ART3: variants seen among roughly 807,000 people sequenced by gnomAD.
ART3 encodes ADP-ribosyltransferase 3 (inactive).
In ART3, 49 loss-of-function variants were observed where a neutral mutation model predicts 48.5. The observed-to-expected ratio is 1.01, with a 90% CI of 0.80 to 1.28. ART3 has a LOEUF of 1.28. Among genes scored for constraint, ART3 ranks in the 50% most tolerant of loss-of-function variants. The pLI, the probability that ART3 is intolerant of heterozygous loss-of-function variation, is 0.00. For missense variants in ART3, 438 were observed against 454.3 expected (o/e 0.96, Z 0.33); for synonymous variants, 145 against 157.2 (o/e 0.92, Z 0.58).
chr4:76,060,261 A>G (rs1221461174), intron 1 of ART3, among the ~76,000 whole-genome samples: 3 of 152,188 alleles, frequency 2.0e-5, no homozygotes, highest in Non-Finnish European at 4.4e-5. Flanking sequence ...ATCATAAGTT[A>G]CTGATTAAGT....
At chr4:76,018,166 T>C (rs1732433471) in intron 1 of ART3, among the ~76,000 whole-genome samples, 1 of 152,158 alleles carries the variant, frequency 6.6e-6, no homozygotes, top group African/African-American at 2.4e-5. Context: ...CACAGCCCTA[T>C]TCACTATAGC....
In ART3 at chr4:76,098,103, A is replaced by G. The variant is rs375146186; in HGVS notation, c.814+427A>G. On this transcript the variant is annotated intron_variant, in intron 4 of 11. Transcript: ENST00000355810. ...TAACATTTGGGAGACCAATGAAGGA[A>G]TGGCATGAATATAGGTCGAGGAAGG... Among the ~76,000 whole-genome samples, 13 of 152,206 alleles carry G rather than the reference A, an allele frequency of 8.5e-5. 1 individual carries two copies. Among genetic ancestry groups the G allele is most frequent in the African/African-American group, 3.1e-4 (13 of 41,530 alleles).
intron 1 of ART3, among the ~76,000 whole-genome samples, chr4:76,059,418 A>G (rs1329176758): frequency 9.0e-6 from 1 of 110,520 alleles, no homozygotes; most frequent in East Asian, 2.9e-4. Flanking sequence ...CCTTTTCTCT[A>G]TCCTTACTTT....
At chr4:76,079,391 A>G (rs1331457563) in intron 2 of ART3, among the ~76,000 whole-genome samples, 1 of 152,204 alleles carries the variant, frequency 6.6e-6, no homozygotes, top group African/African-American at 2.4e-5. Context: ...TGGCTGTACG[A>G]TTGTAAGTTT....
intron 10 of ART3, among the ~76,000 whole-genome samples, chr4:76,106,564 T>G (rs572156669): frequency 1.1e-4 from 16 of 152,286 alleles, no homozygotes; most frequent in African/African-American, 3.9e-4. Context: ...GAGAGAGCGT[T>G]GTGTGTCTGT....
chr4:76,054,943 G>C (rs1245494823), intron 1 of ART3, among the ~76,000 whole-genome samples: 2 of 152,130 alleles, frequency 1.3e-5, no homozygotes, highest in African/African-American at 4.8e-5. Context: ...CAATTTTCTT[G>C]TTTTCTTTCT....
At chr4:76,103,162 A>G (rs570031953) in intron 8 of ART3, among the ~76,000 whole-genome samples, 1 of 152,320 alleles carries the variant, frequency 6.6e-6, no homozygotes, top group African/African-American at 2.4e-5. Context: ...CACCTGGGAA[A>G]TAATCTATTT....
chr4:76,077,366 A>T (rs145330670), intron 2 of ART3, among the ~76,000 whole-genome samples: 65 of 152,284 alleles, frequency 4.3e-4, no homozygotes, highest in African/African-American at 1.5e-3. Context: ...ATAGCCGAGT[A>T]ATATTCTATT....
In ART3 at chr4:76,082,155, A is replaced by G. The variant is rs763041717; in HGVS notation, c.401A>G (p.Gln134Arg). The G allele has an allele frequency of 3.7e-6, 6 of 1,614,224 alleles. No homozygotes were observed. Among genetic ancestry groups the G allele is most frequent in the Non-Finnish European group, 4.2e-6 (5 of 1,180,046 alleles). Residue 134 changes from glutamine to arginine, a missense_variant, in exon 3 of 12, where the codon CAG (glutamine) becomes CGG (arginine). Physicochemically the swap from Gln to Arg is conservative, Grantham distance 43 (BLOSUM62 1). This residue lies in a region of ART3 where 206 missense variants were observed against 205.3 expected (regional missense o/e 1.00). Transcript: ENST00000355810. Reference protein sequence around the residue: ...QSREDYIYGFQFKAFHFYLTR... With the variant: ...QSREDYIYGFRFKAFHFYLTR... ...CGAGAAGATTATATCTATGGCTTCCAGTTCAAAGCTTTCCACTTTTACCTC... is the reference window on the plus strand; with the variant it reads ...CGAGAAGATTATATCTATGGCTTCCGGTTCAAAGCTTTCCACTTTTACCTC...
chr4:76,094,652 A>G (rs1725615630), intron 3 of ART3, among the ~76,000 whole-genome samples: 1 of 152,184 alleles, frequency 6.6e-6, no homozygotes, highest in Admixed American at 6.5e-5. Context: ...ATGCCTGTGA[A>G]TTATAAGGTT....
intron 1 of ART3, chr4:76,021,517 A>G (rs1270006370): frequency 5.9e-6 from 1 of 168,112 alleles, no homozygotes; most frequent in Non-Finnish European, 1.3e-5. Context: ...TGAAGTAAAG[A>G]GCATTCTTTA....
chr4:76,084,198 T>C (rs907514416), intron 3 of ART3, among the ~76,000 whole-genome samples: 2 of 152,174 alleles, frequency 1.3e-5, no homozygotes, highest in African/African-American at 4.8e-5. Flanking sequence ...CATCCTGAAA[T>C]CTCTCATTAC....
chr4:76,097,034 A>G (rs552724890), intron 3 of ART3, among the ~76,000 whole-genome samples: 1 of 152,302 alleles, frequency 6.6e-6, no homozygotes, highest in African/African-American at 2.4e-5. Flanking sequence ...CTAATTATAG[A>G]ATAGAATGAT....
At chr4:76,052,505 G>T (rs1011876521) in intron 1 of ART3, among the ~76,000 whole-genome samples, 3 of 151,988 alleles carry the variant, frequency 2.0e-5, no homozygotes. Context: ...TTGTTACATG[G>T]ATATATTGCA....
At chr4:76,069,322 A>C (rs1054182626) in intron 1 of ART3, among the ~76,000 whole-genome samples, 1 of 149,042 alleles carries the variant, frequency 6.7e-6, no homozygotes, top group Non-Finnish European at 1.5e-5. Context: ...TCAATAATCT[A>C]CTTTCTGTCT....
upstream of ART3, chr4:76,074,670 T>C (rs1024355887): frequency 1.3e-5 from 2 of 152,156 alleles, no homozygotes; most frequent in Non-Finnish European, 2.9e-5. Context: ...AAGCTACTGC[T>C]GGGGGTGTTT....
chr4:76,050,939 G>A (rs961872597), intron 1 of ART3, among the ~76,000 whole-genome samples: 6 of 152,290 alleles, frequency 3.9e-5, no homozygotes, highest in East Asian at 1.9e-4. Context: ...CAGGGCCGGC[G>A]GGCTGCTCCG....
intron 3 of ART3, among the ~76,000 whole-genome samples, chr4:76,088,652 G>T (rs373626602): frequency 2.0e-5 from 3 of 152,052 alleles, no homozygotes; most frequent in East Asian, 1.9e-4. Context: ...CTGTACTGTT[G>T]TCTGGGATTG....
intron 1 of ART3, among the ~76,000 whole-genome samples, chr4:76,029,562 CA>C (rs1733694655): frequency 6.6e-6 from 1 of 151,558 alleles, no homozygotes; most frequent in South Asian, 2.1e-4. Context: ...ACCCCTTCTC[CA>C]AAAAAAACCC....
Sources: allele counts gnomAD v4.1 joint callset (sites outside exome capture counted in the v4.1 genomes callset), GRCh38; gene constraint gnomAD v4.1.1; regional missense constraint gnomAD v4.1.1; transcripts MANE v1.5; gene names NCBI Gene and HGNC (gene_info 2026-07-23, HGNC 2026-07-21).